Variants in DGKB observed in about 807,000 individuals in gnomAD.
DGKB encodes diacylglycerol kinase beta, also known as 90 kDa diacylglycerol kinase.
In DGKB, 67 loss-of-function variants were observed where a neutral mutation model predicts 114.3. The observed-to-expected ratio is 0.59, with a 90% CI of 0.48 to 0.72. The LOEUF is 0.72. Among genes scored for constraint, DGKB ranks in the 30% least tolerant of loss-of-function variants. DGKB has a pLI of 0.00. For missense variants in DGKB, 907 were observed against 975.2 expected (o/e 0.93, Z 0.93); for synonymous variants, 398 against 323.1 (o/e 1.23, Z -2.49).
intron 23 of DGKB, among the ~76,000 whole-genome samples, chr7:14,297,860 C>G (rs1802851973): frequency 6.6e-6 from 1 of 152,194 alleles, no homozygotes; most frequent in South Asian, 2.1e-4. Context: ...AGCAAAGTCT[C>G]AGGATACAAA....
At chr7:14,699,293 T>C (rs1824678867) in intron 7 of DGKB, among the ~76,000 whole-genome samples, 1 of 152,182 alleles carries the variant, frequency 6.6e-6, no homozygotes, top group South Asian at 2.1e-4. Context: ...GCATTACTAA[T>C]CTCTCACCTA....
chr7:14,780,234 C>G (rs1479072708), intron 2 of DGKB, among the ~76,000 whole-genome samples: 2 of 152,124 alleles, frequency 1.3e-5, no homozygotes, highest in Non-Finnish European at 2.9e-5. Flanking sequence ...TGGAGAGCCA[C>G]CCACAGATCT....
intron 23 of DGKB, among the ~76,000 whole-genome samples, chr7:14,197,028 T>TAGAACCTCTA: frequency 6.6e-6 from 1 of 152,020 alleles, no homozygotes; most frequent in Non-Finnish European, 1.5e-5. Context: ...TAGCAACACT[T>TAGAACCTCTA]GAAACCCTAA....
chr7:14,474,866 A>T (rs1160420484), intron 21 of DGKB, among the ~76,000 whole-genome samples: 1 of 151,578 alleles, frequency 6.6e-6, no homozygotes, highest in African/African-American at 2.4e-5. Context: ...GGAAGTTTTT[A>T]TTCAAATTCC....
At chr7:14,342,391 T>A (rs1358850052) in intron 22 of DGKB, among the ~76,000 whole-genome samples, 2 of 151,862 alleles carry the variant, frequency 1.3e-5, no homozygotes, top group South Asian at 2.1e-4. Context: ...AATGCTGACC[T>A]GAGTTTCTTA....
intron 20 of DGKB, among the ~76,000 whole-genome samples, chr7:14,552,566 G>A (rs897799634): frequency 6.6e-6 from 1 of 152,062 alleles, no homozygotes; most frequent in African/African-American, 2.4e-5. Flanking sequence ...CTATTTCATT[G>A]TTGCACATGT....
At chr7:14,825,762 G>A (rs1055465321) in intron 2 of DGKB, among the ~76,000 whole-genome samples, 1 of 152,076 alleles carries the variant, frequency 6.6e-6, no homozygotes, top group African/African-American at 2.4e-5. Context: ...AAATACGTTA[G>A]AAAAAGTTCA....
At chr7:14,544,149 A>G (rs1793919868) in intron 20 of DGKB, among the ~76,000 whole-genome samples, 1 of 152,226 alleles carries the variant, frequency 6.6e-6, no homozygotes, top group South Asian at 2.1e-4. Flanking sequence ...GCATATATTT[A>G]GAAAACCTCA....
chr7:14,637,552 G>A (rs1810980814), intron 13 of DGKB, among the ~76,000 whole-genome samples: 1 of 150,956 alleles, frequency 6.6e-6, no homozygotes, highest in African/African-American at 2.4e-5. Context: ...ATATACATGT[G>A]TGTATACATG....
At chr7:14,221,033 C>G (rs1584535974) in intron 23 of DGKB, among the ~76,000 whole-genome samples, 2 of 151,116 alleles carry the variant, frequency 1.3e-5, no homozygotes, top group African/African-American at 4.8e-5. Context: ...TATAAGCATG[C>G]CAAACTCATT....
chr7:14,360,590 C>T (rs1297447437), intron 21 of DGKB, among the ~76,000 whole-genome samples: 1 of 151,878 alleles, frequency 6.6e-6, no homozygotes, highest in Non-Finnish European at 1.5e-5. Context: ...TCAGATTTCC[C>T]ATCCTGAATG....
At chr7:14,192,207 A>C (rs963889977) in intron 23 of DGKB, 1 of 238,292 alleles carries the variant, frequency 4.2e-6, no homozygotes, top group African/African-American at 2.3e-5. Context: ...ATTTTACATA[A>C]AGAAAACTCT....
intron 12 of DGKB, among the ~76,000 whole-genome samples, chr7:14,673,610 T>C (rs1171309018): frequency 1.3e-5 from 2 of 152,108 alleles, no homozygotes; most frequent in African/African-American, 4.8e-5. Flanking sequence ...ATTTATCAGC[T>C]CAACGTTAAG....
chr7:14,163,224 T>TTGC (rs1784157122), intron 25 of DGKB, among the ~76,000 whole-genome samples: 1 of 152,178 alleles, frequency 6.6e-6, no homozygotes, highest in East Asian at 1.9e-4. Flanking sequence ...AATTGGAAAT[T>TTGC]AGTCACAATC....
chr7:14,422,224 C>A lies in DGKB; in HGVS notation c.1835+55937G>T, dbSNP rs17720717. Among the ~76,000 whole-genome samples, 400 of 152,072 alleles carry A rather than the reference C, an allele frequency of 2.6e-3. 1 individual carries two copies. Among genetic ancestry groups the A allele is most frequent in the Non-Finnish European group, 4.7e-3 (322 of 67,928 alleles). On this transcript the variant is annotated intron_variant, in intron 21 of 25. Transcript: ENST00000402815. ...GATTAATCTGGTGTCAACAAAGTATCGCTGTACTTCAGAATTTGCCTGCTG... is the reference window on the plus strand; with the variant it reads ...GATTAATCTGGTGTCAACAAAGTATAGCTGTACTTCAGAATTTGCCTGCTG...
intron 21 of DGKB, among the ~76,000 whole-genome samples, chr7:14,441,394 T>G (rs74764945): frequency 0.026 from 3,954 of 152,256 alleles, 187 homozygotes; most frequent in African/African-American, 0.089. Context: ...TAATAATCAT[T>G]TGTCAATTAT....
intron 24 of DGKB, 47 bp from the exon 25 acceptor site, chr7:14,176,946 A>C (rs1025064179): frequency 1.9e-6 from 3 of 1,608,364 alleles, no homozygotes; most frequent in African/African-American, 2.7e-5. Flanking sequence ...AATACTTTAT[A>C]TTACAGACTA....
intron 1 of DGKB, among the ~76,000 whole-genome samples, chr7:14,928,121 T>C (rs1784834868): frequency 1.3e-5 from 2 of 151,968 alleles, no homozygotes; most frequent in South Asian, 2.1e-4. Flanking sequence ...TAAAATTCTA[T>C]TTATGATTTA....
chr7:14,918,535 T>A (rs1289662962), intron 1 of DGKB, among the ~76,000 whole-genome samples: 1 of 152,132 alleles, frequency 6.6e-6, no homozygotes, highest in Non-Finnish European at 1.5e-5. Flanking sequence ...TAAAGTCAAA[T>A]TCTTAAGTAT....
Sources: allele counts gnomAD v4.1 joint callset (sites outside exome capture counted in the v4.1 genomes callset), GRCh38; gene constraint gnomAD v4.1.1; transcripts MANE v1.5; gene names NCBI Gene and HGNC (gene_info 2026-07-23, HGNC 2026-07-21).